Variants in STRN3 observed in about 807,000 individuals in gnomAD.
STRN3 encodes striatin 3.
A neutral mutation model predicts 95.6 loss-of-function variants in STRN3; 29 were observed. That is an observed-to-expected ratio of 0.30 (90% confidence interval 0.23 to 0.41). STRN3 has a LOEUF of 0.41. STRN3 is among the 10% of genes least tolerant of loss of function. The pLI, the probability that STRN3 is intolerant of heterozygous loss-of-function variation, is 1.00. For missense variants in STRN3, 890 were observed against 972.1 expected, an observed-to-expected ratio of 0.92 and a Z score of 1.12; for synonymous variants, 331 against 357.6, an observed-to-expected ratio of 0.93 and a Z score of 0.84.
At chr14:30,946,847 T>C (rs1040676234) in intron 5 of STRN3, among the ~76,000 whole-genome samples, 1 of 151,574 alleles carries the variant, frequency 6.6e-6, no homozygotes, top group African/African-American at 2.4e-5. Context: ...GGAGTGGTGG[T>C]GGGTGCCTGT....
At chr14:30,907,955 T>TG (rs1896509585) in intron 13 of STRN3, among the ~76,000 whole-genome samples, 5 of 152,186 alleles carry the variant, frequency 3.3e-5, no homozygotes, top group Non-Finnish European at 7.3e-5. Flanking sequence ...CATGAATGAC[T>TG]ATGCCTCATA....
At chr14:30,976,621 C>A (rs1881117556) in intron 1 of STRN3, among the ~76,000 whole-genome samples, 1 of 152,156 alleles carries the variant, frequency 6.6e-6, no homozygotes, top group East Asian at 1.9e-4. Context: ...CATTTTGGAC[C>A]ATAAAACCCA....
At chr14:30,943,153 G>C (rs1293593818) in intron 5 of STRN3, among the ~76,000 whole-genome samples, 1 of 152,122 alleles carries the variant, frequency 6.6e-6, no homozygotes, top group Non-Finnish European at 1.5e-5. Context: ...CTGAAATCTT[G>C]ATCCACATGT....
intron 1 of STRN3, among the ~76,000 whole-genome samples, chr14:30,968,370 A>AG (rs1880642937): frequency 7.2e-6 from 1 of 139,294 alleles, no homozygotes. Context: ...GTCCTAAAAT[A>AG]AGATTAACTG....
chr14:30,925,124 TCAA>T (rs1896991128), intron 8 of STRN3, among the ~76,000 whole-genome samples: 1 of 151,720 alleles, frequency 6.6e-6, no homozygotes, highest in Non-Finnish European at 1.5e-5. Context: ...AAAGTGCATC[TCAA>T]TTATATTGTA....
chr14:30,912,245 T>C, intron 10 of STRN3, 63 bp from the exon 11 acceptor site: 1 of 1,503,930 alleles, frequency 6.6e-7, no homozygotes. Context: ...TGTGGAGTGT[T>C]TGTTCGTTTC....
intron 7 of STRN3, among the ~76,000 whole-genome samples, chr14:30,933,790 A>G (rs920544274): frequency 1.3e-5 from 2 of 152,246 alleles, no homozygotes; most frequent in African/African-American, 4.8e-5. Flanking sequence ...GAGAATTATA[A>G]TAAGAAAATT....
chr14:30,949,151 C>T (rs1247418641), intron 4 of STRN3, among the ~76,000 whole-genome samples: 3 of 152,208 alleles, frequency 2.0e-5, no homozygotes, highest in Non-Finnish European at 1.5e-5. Flanking sequence ...TCTTCACTTC[C>T]TGACACTTGG....
chr14:30,991,733 G>T (rs1158973138), intron 1 of STRN3, among the ~76,000 whole-genome samples: 1 of 152,074 alleles, frequency 6.6e-6, no homozygotes, highest in Non-Finnish European at 1.5e-5. Flanking sequence ...GAGGGTAGAG[G>T]AGAGGAGGAG....
intron 1 of STRN3, among the ~76,000 whole-genome samples, chr14:31,001,083 G>A (rs1214623581): frequency 1.3e-5 from 2 of 152,180 alleles, no homozygotes; most frequent in African/African-American, 4.8e-5. Context: ...AGCTGTGTTG[G>A]ATGCTTCTGT....
At chr14:30,935,546 A>G (rs1274354839) in intron 6 of STRN3, among the ~76,000 whole-genome samples, 2 of 152,222 alleles carry the variant, frequency 1.3e-5, no homozygotes, top group African/African-American at 4.8e-5. Context: ...CATCAAGAAC[A>G]GTTAACTTCT....
At chr14:31,015,192 T>C (rs1374608878) in intron 1 of STRN3, among the ~76,000 whole-genome samples, 2 of 152,170 alleles carry the variant, frequency 1.3e-5, no homozygotes, top group Non-Finnish European at 1.5e-5. Context: ...CTGTGTCCAG[T>C]AGCCTTACCA....
At chr14:30,933,470 A>G (rs2139066765) in intron 7 of STRN3, among the ~76,000 whole-genome samples, 1 of 152,016 alleles carries the variant, frequency 6.6e-6, no homozygotes, top group African/African-American at 2.4e-5. Context: ...TTGTATTACA[A>G]AATAATTATA....
chr14:30,942,540 C>T (rs2139096320), intron 5 of STRN3, among the ~76,000 whole-genome samples: 1 of 152,218 alleles, frequency 6.6e-6, no homozygotes, highest in Non-Finnish European at 1.5e-5. Flanking sequence ...AGATTCCAAA[C>T]ACGGTTAAAA....
At chr14:30,918,233 C>T (rs932274083) in intron 9 of STRN3, among the ~76,000 whole-genome samples, 6 of 152,072 alleles carry the variant, frequency 3.9e-5, no homozygotes, top group Non-Finnish European at 7.4e-5. Context: ...ACAGATTGGG[C>T]ACTGTGGCTC....
intron 1 of STRN3, among the ~76,000 whole-genome samples, chr14:30,997,648 A>G (rs1221949538): frequency 1.3e-5 from 2 of 152,202 alleles, no homozygotes; most frequent in East Asian, 1.9e-4. Flanking sequence ...TGTGTATAAC[A>G]AACTTTGTTT....
chr14:30,990,076 C>G (rs1025125587), intron 1 of STRN3, among the ~76,000 whole-genome samples: 1 of 151,562 alleles, frequency 6.6e-6, no homozygotes, highest in African/African-American at 2.4e-5. Flanking sequence ...CTGAAAAAAT[C>G]CCTGGGCCTA....
At chr14:30,925,347 CT>C (rs547278980) in intron 8 of STRN3, among the ~76,000 whole-genome samples, 5 of 151,804 alleles carry the variant, frequency 3.3e-5, no homozygotes, top group African/African-American at 1.2e-4. Context: ...TTGAATGGGT[CT>C]TTACAAAGTT....
At chr14:30,942,199 TC>T (rs1408197938) in intron 5 of STRN3, among the ~76,000 whole-genome samples, 2 of 152,192 alleles carry the variant, frequency 1.3e-5, no homozygotes, top group Non-Finnish European at 2.9e-5. Flanking sequence ...TCTCATTCTT[TC>T]TGTATGTCAT....
Sources: allele counts gnomAD v4.1 joint callset (sites outside exome capture counted in the v4.1 genomes callset), GRCh38; gene constraint gnomAD v4.1.1; transcripts MANE v1.5; gene names NCBI Gene and HGNC (gene_info 2026-07-23, HGNC 2026-07-21).